Variants in NRXN1 observed in about 807,000 individuals in gnomAD.
NRXN1 encodes neurexin-1.
NRXN1 carries 39 observed loss-of-function variants against 150.9 expected under a neutral mutation model. That is an observed-to-expected ratio of 0.26 (90% CI 0.20 to 0.34). The LOEUF (loss-of-function observed/expected upper bound fraction) is 0.34. Among genes scored for constraint, NRXN1 ranks in the 10% least tolerant of loss-of-function variants. The pLI, the probability that NRXN1 is intolerant of heterozygous loss-of-function variation, is 1.00. For missense variants in NRXN1, 1,815 were observed against 1,949.9 expected (o/e 0.93, Z 1.30); for synonymous variants, 924 against 757.0 (o/e 1.22, Z -3.62).
At chr2:50,892,244 G>A (rs1471415892) in intron 5 of NRXN1, among the ~76,000 whole-genome samples, 3 of 152,066 alleles carry the variant, frequency 2.0e-5, no homozygotes. Context: ...AGAGAACATG[G>A]CATTTATTAA....
At chr2:50,918,716 G>A in intron 5 of NRXN1, 1 of 331,214 alleles carries the variant, frequency 3.0e-6, no homozygotes, top group Non-Finnish European at 5.5e-6. Context: ...AAAGAAACAA[G>A]AACAAAAGAG....
chr2:50,472,995 T>C (rs1488268259), intron 15 of NRXN1, among the ~76,000 whole-genome samples: 1 of 151,948 alleles, frequency 6.6e-6, no homozygotes, highest in African/African-American at 2.4e-5. Flanking sequence ...GGCATTATTA[T>C]TAAATTCACC....
At chr2:50,963,681 G>A (rs1693568414) in intron 2 of NRXN1, among the ~76,000 whole-genome samples, 1 of 151,586 alleles carries the variant, frequency 6.6e-6, no homozygotes, top group African/African-American at 2.4e-5. Context: ...AAGATACGGT[G>A]ATTTTTCCCT....
intron 8 of NRXN1, among the ~76,000 whole-genome samples, chr2:50,561,598 G>A (rs1302882721): frequency 6.6e-6 from 1 of 152,164 alleles, no homozygotes; most frequent in Non-Finnish European, 1.5e-5. Context: ...CTCTGCCATA[G>A]GTCCAGGGTT....
chr2:50,260,485 T>C (rs1487495675), intron 17 of NRXN1, among the ~76,000 whole-genome samples: 1 of 151,786 alleles, frequency 6.6e-6, no homozygotes, highest in East Asian at 1.9e-4. Context: ...ATTTGGACCC[T>C]GTTGTTCTAT....
chr2:50,092,062 C>T (rs981667199), intron 18 of NRXN1, among the ~76,000 whole-genome samples: 3 of 152,140 alleles, frequency 2.0e-5, no homozygotes, highest in African/African-American at 7.2e-5. Context: ...GAAACATCAA[C>T]ATTTTATTGA....
rs140025526 is a variant in NRXN1, at chr2:50,443,767, T to C, written c.3364+21675A>G. Among the ~76,000 whole-genome samples the C allele has an allele frequency of 1.6e-3, 240 of 152,304 alleles. 5 individuals carry two copies. In the East Asian group the frequency reaches 0.036, roughly 23 times the overall value. On this transcript the variant is annotated intron_variant, in intron 17 of 22. Transcript: ENST00000401669. ...GCTATTCACAGTCAAAATAGTTCCA[T>C]ATATACAATACTTATTTGTGTTCAT...
At chr2:50,504,219 TA>T (rs2092109147) in intron 13 of NRXN1, among the ~76,000 whole-genome samples, 1 of 150,908 alleles carries the variant, frequency 6.6e-6, no homozygotes, top group African/African-American at 2.4e-5. Context: ...TGCGTATTGA[TA>T]ACATTGAATC....
At chr2:50,195,924 T>C (rs535081683) in intron 18 of NRXN1, among the ~76,000 whole-genome samples, 2 of 152,180 alleles carry the variant, frequency 1.3e-5, no homozygotes, top group African/African-American at 4.8e-5. Flanking sequence ...CTGTACTTAA[T>C]TCCTTGGATG....
intron 5 of NRXN1, among the ~76,000 whole-genome samples, chr2:50,827,241 C>T (rs985698986): frequency 1.9e-4 from 29 of 152,268 alleles, no homozygotes; most frequent in African/African-American, 6.5e-4. Flanking sequence ...ATATTTCTAG[C>T]AAAGAAATAC....
chr2:50,394,954 C>T (rs1313491567), intron 17 of NRXN1, among the ~76,000 whole-genome samples: 1 of 152,008 alleles, frequency 6.6e-6, no homozygotes, highest in Non-Finnish European at 1.5e-5. Flanking sequence ...CACATGACTA[C>T]TTTTCTTATT....
At chr2:50,616,219 C>T (rs1313969633) in intron 8 of NRXN1, 2 of 152,080 alleles carry the variant, frequency 1.3e-5, no homozygotes, top group African/African-American at 4.8e-5. Flanking sequence ...AATTCCCGGC[C>T]ATTCAAAGTT....
At chr2:50,844,156 C>A (rs1295377002) in intron 5 of NRXN1, among the ~76,000 whole-genome samples, 1 of 152,124 alleles carries the variant, frequency 6.6e-6, no homozygotes, top group African/African-American at 2.4e-5. Flanking sequence ...GTCTGGTGAG[C>A]AGGCACATCC....
In NRXN1 at chr2:50,346,549, T is replaced by G. The variant is rs2077988378; in HGVS notation, c.3365-109579A>C. 3.5e-6 allele frequency: 3 copies of G among 854,772 alleles called. No individual in the cohort carries two copies. The Admixed American group carries it at 6.0e-5, about 17-fold the overall frequency. The allele number at this position is 854,772 out of a possible 1,614,324, so 52.9% of individuals were successfully genotyped here. A position where few individuals can be genotyped will look rare whatever the true frequency, so the allele number is the denominator to read the frequency against. On this transcript the variant is annotated intron_variant, in intron 17 of 22. Transcript: ENST00000401669. This position sits in a 1 kb window ranked among gnomAD's most constrained non-coding sequence, Gnocchi z 5.0. ...TTTCTATTGTCTTCAAAGAGATAAG[T>G]GGCTCGCACCAAGCACACCCAAATG...
At chr2:50,691,479 C>T (rs1442683047) in intron 5 of NRXN1, among the ~76,000 whole-genome samples, 1 of 152,122 alleles carries the variant, frequency 6.6e-6, no homozygotes, top group Non-Finnish European at 1.5e-5. Context: ...TCTTCAAATG[C>T]TTATTTTTTT....
intron 18 of NRXN1, among the ~76,000 whole-genome samples, chr2:50,206,940 C>T (rs943153638): frequency 2.0e-5 from 3 of 150,928 alleles, no homozygotes; most frequent in Non-Finnish European, 3.0e-5. Flanking sequence ...CCAGTGAATC[C>T]GAATCTGAGT....
intron 5 of NRXN1, among the ~76,000 whole-genome samples, chr2:50,702,625 T>C (rs1028425135): frequency 6.6e-6 from 1 of 152,134 alleles, no homozygotes; most frequent in Non-Finnish European, 1.5e-5. Flanking sequence ...TTCATACTTT[T>C]CTTGATTTTT....
chr2:50,680,520 CA>C (rs1217640738), intron 5 of NRXN1, among the ~76,000 whole-genome samples: 1 of 152,004 alleles, frequency 6.6e-6, no homozygotes, highest in Non-Finnish European at 1.5e-5. Flanking sequence ...GATACAAAGT[CA>C]AACATATGAA....
At chr2:50,053,666 C>A (rs1376946411) in intron 20 of NRXN1, 76 bp from the exon 21 acceptor site, 2 of 1,424,634 alleles carry the variant, frequency 1.4e-6, no homozygotes, top group Non-Finnish European at 2.0e-6. Flanking sequence ...TAAAACAGAT[C>A]TTTTATGGGG....
Sources: allele counts gnomAD v4.1 joint callset (sites outside exome capture counted in the v4.1 genomes callset), GRCh38; gene constraint gnomAD v4.1.1; non-coding constraint Gnocchi (gnomAD v3.1); transcripts MANE v1.5; gene names NCBI Gene and HGNC (gene_info 2026-07-23, HGNC 2026-07-21).